The following HACL2 variants were observed in gnomAD, a reference collection of about 807,000 sequenced individuals.
HACL2 encodes 2-hydroxyacyl-CoA lyase 1 like.
At chr19:15,125,375 C>A in the HACL2 span, 1 of 350,532 alleles carries the variant, frequency 2.9e-6, no homozygotes, top group Non-Finnish European at 5.2e-6. Flanking sequence ...TTATCTTCCA[C>A]TTACCTACTT....
At chr19:15,115,305 C>T in the HACL2 span, 14 of 1,614,070 alleles carry the variant, frequency 8.7e-6, no homozygotes, top group Non-Finnish European at 1.2e-5. Flanking sequence ...AGGATGTTGA[C>T]CACAACCGGG....
the HACL2 span, chr19:15,123,836 A>G: frequency 3.7e-6 from 2 of 545,530 alleles, no homozygotes; most frequent in Non-Finnish European, 6.5e-6. This position sits in a 1 kb window ranked among gnomAD's most constrained non-coding sequence, Gnocchi z 5.1. Context: ...AAAGTTCAAT[A>G]GAACCCACGC....
At chr19:15,118,758 A>C in the HACL2 span, among the ~76,000 whole-genome samples, 1 of 152,198 alleles carries the variant, frequency 6.6e-6, no homozygotes, top group African/African-American at 2.4e-5. Flanking sequence ...ACAGGGGTGA[A>C]GAACTCTATG....
chr19:15,115,932 G>A, the HACL2 span: 1 of 1,614,168 alleles, frequency 6.2e-7, no homozygotes, highest in South Asian at 1.1e-5. Flanking sequence ...CTAGTCGGGA[G>A]GGGACCCAGG....
chr19:15,115,975 C>T, the HACL2 span: 2 of 1,614,132 alleles, frequency 1.2e-6, no homozygotes, highest in Non-Finnish European at 1.7e-6. Context: ...TAGAGAGCAG[C>T]AAGTCTCCCA....
At chr19:15,118,203 G>A in the HACL2 span, among the ~76,000 whole-genome samples, 88 of 152,236 alleles carry the variant, frequency 5.8e-4, 1 homozygote, top group African/African-American at 2.1e-3. Flanking sequence ...ACATGCTTTG[G>A]CCAACAGGAT....
chr19:15,122,987 C>G, the HACL2 span: 1 of 1,603,252 alleles, frequency 6.2e-7, no homozygotes, highest in East Asian at 2.2e-5. This position sits in a 1 kb window ranked among gnomAD's most constrained non-coding sequence, Gnocchi z 4.0. Flanking sequence ...ACAGAGTGGC[C>G]GGAAAAGGGA....
At chr19:15,117,803 C>G in the HACL2 span, 28 of 1,571,108 alleles carry the variant, frequency 1.8e-5, no homozygotes, top group Admixed American at 4.7e-4. Context: ...GTACCAGGCT[C>G]AAGCCAGCTG....
At chr19:15,122,617 G>C in the HACL2 span, 2 of 1,227,626 alleles carry the variant, frequency 1.6e-6, no homozygotes, top group Non-Finnish European at 1.2e-6. This position sits in a 1 kb window ranked among gnomAD's most constrained non-coding sequence, Gnocchi z 4.0. Context: ...TGAATCAAAG[G>C]AGGATGGGTG....
chr19:15,115,241 C>T, the HACL2 span: 2 of 1,614,056 alleles, frequency 1.2e-6, no homozygotes, highest in Non-Finnish European at 1.7e-6. Context: ...AGCGTCCTGA[C>T]CCACAAGGCC....
the HACL2 span, among the ~76,000 whole-genome samples, chr19:15,121,542 G>A: frequency 6.6e-6 from 1 of 152,042 alleles, no homozygotes; most frequent in Non-Finnish European, 1.5e-5. Context: ...GAGGCCAGGC[G>A]CAGTGGCTCA....
the HACL2 span, chr19:15,116,143 C>G: frequency 2.5e-6 from 4 of 1,613,334 alleles, no homozygotes; most frequent in Admixed American, 1.7e-5. Flanking sequence ...GGCGGGGGCC[C>G]TTCCTTACCA....
At chr19:15,125,234 T>G in the HACL2 span, 9 of 697,968 alleles carry the variant, frequency 1.3e-5, no homozygotes, top group Non-Finnish European at 7.1e-6. Context: ...GCGCCTAGGC[T>G]CGGGGTGAAG....
the HACL2 span, chr19:15,124,673 G>A: frequency 1.3e-5 from 7 of 531,928 alleles, no homozygotes; most frequent in Non-Finnish European, 2.3e-5. Flanking sequence ...AGTCACTGGG[G>A]AAGGAGGTAG....
chr19:15,122,174 G>A, the HACL2 span, among the ~76,000 whole-genome samples: 21 of 151,914 alleles, frequency 1.4e-4, no homozygotes, highest in Admixed American at 1.4e-3. This position sits in a 1 kb window ranked among gnomAD's most constrained non-coding sequence, Gnocchi z 4.0. Flanking sequence ...CAATGTGCTG[G>A]GATTACAAGT....
the HACL2 span, among the ~76,000 whole-genome samples, chr19:15,118,528 A>C: frequency 2.6e-5 from 4 of 151,976 alleles, no homozygotes; most frequent in African/African-American, 9.7e-5. Context: ...AGCCCCTCCA[A>C]CAGCTGGCGT....
chr19:15,124,668 C>G, the HACL2 span: 2 of 528,924 alleles, frequency 3.8e-6, no homozygotes, highest in Non-Finnish European at 6.7e-6. Flanking sequence ...AAAAGAGTCA[C>G]TGGGGAAGGA....
At chr19:15,117,823 C>T in the HACL2 span, 3 of 1,600,038 alleles carry the variant, frequency 1.9e-6, no homozygotes. Context: ...GCAGCAGAAA[C>T]CAGGAGGAGA....
At chr19:15,119,515 C>A in the HACL2 span, 9 of 1,612,988 alleles carry the variant, frequency 5.6e-6, no homozygotes, top group Non-Finnish European at 7.6e-6. Context: ...CAGCGCTGAA[C>A]CTGGAGCGAG....
Sources: gnomAD v4.1 joint callset for allele counts (sites outside exome capture counted in the v4.1 genomes callset) on GRCh38, gnomAD v4.1.1 for gene constraint, Gnocchi (gnomAD v3.1) non-coding constraint, MANE v1.5 for transcripts, NCBI Gene and HGNC (gene_info 2026-07-23, HGNC 2026-07-21) for gene names.